The following IQCJ variants were observed in gnomAD, a reference collection of about 807,000 sequenced individuals.
IQCJ encodes IQ domain-containing protein J.
In IQCJ, 9 loss-of-function variants were observed where a neutral mutation model predicts 11.0. The ratio of observed to expected loss-of-function variants is 0.82; its 90% CI spans 0.49 to 1.43. The LOEUF (loss-of-function observed/expected upper bound fraction) is 1.43. IQCJ is among the 40% of genes most tolerant of loss of function. The pLI, the probability that IQCJ is intolerant of heterozygous loss-of-function variation, is 0.00. For missense variants in IQCJ, 146 were observed against 133.2 expected (o/e 1.10, Z -0.47); for synonymous variants, 55 against 51.3 (o/e 1.07, Z -0.31).
chr3:159,175,089 A>G (rs1252018954), intron 1 of IQCJ, among the ~76,000 whole-genome samples: 1 of 152,164 alleles, frequency 6.6e-6, no homozygotes, highest in East Asian at 1.9e-4. Flanking sequence ...TTGAGGAGCA[A>G]TTTACATACA....
intron 1 of IQCJ, among the ~76,000 whole-genome samples, chr3:159,178,831 G>T (rs1235491948): frequency 2.6e-5 from 4 of 152,082 alleles, no homozygotes; most frequent in African/African-American, 9.7e-5. Flanking sequence ...TGTCCAAGTT[G>T]CTCAACAGGA....
intron 1 of IQCJ, among the ~76,000 whole-genome samples, chr3:159,213,288 G>A (rs1244530755): frequency 2.0e-5 from 3 of 152,160 alleles, no homozygotes; most frequent in Admixed American, 2.0e-4. Context: ...TAGCAGATTA[G>A]CATTCAAGGT....
intron 1 of IQCJ, among the ~76,000 whole-genome samples, chr3:159,125,313 G>A (rs1025033593): frequency 6.6e-6 from 1 of 152,156 alleles, no homozygotes; most frequent in Admixed American, 6.5e-5. Context: ...AACCAGCAAA[G>A]TCTGAGGAAC....
intron 1 of IQCJ, among the ~76,000 whole-genome samples, chr3:159,122,018 C>G (rs2108142781): frequency 6.6e-6 from 1 of 152,314 alleles, no homozygotes; most frequent in East Asian, 1.9e-4. Flanking sequence ...TTTCTCCCAG[C>G]TTTGGAGTCT....
At chr3:159,199,390 T>C (rs2108061197) in intron 1 of IQCJ, among the ~76,000 whole-genome samples, 1 of 152,308 alleles carries the variant, frequency 6.6e-6, no homozygotes, top group African/African-American at 2.4e-5. Flanking sequence ...GCAGCCACTA[T>C]GCACTGGAAA....
intron 1 of IQCJ, among the ~76,000 whole-genome samples, chr3:159,151,238 C>T (rs945284613): frequency 3.3e-5 from 5 of 152,322 alleles, no homozygotes; most frequent in Non-Finnish European, 5.9e-5. Context: ...AGCCTGGTGG[C>T]GTGGGGAGCC....
At chr3:159,183,105 T>C (rs1723191284) in intron 1 of IQCJ, among the ~76,000 whole-genome samples, 1 of 152,068 alleles carries the variant, frequency 6.6e-6, no homozygotes, top group Non-Finnish European at 1.5e-5. Context: ...TTCATAGGAC[T>C]CCTTTGATTT....
At chr3:159,193,236 G>A (rs1236557801) in intron 1 of IQCJ, among the ~76,000 whole-genome samples, 1 of 152,182 alleles carries the variant, frequency 6.6e-6, no homozygotes, top group Non-Finnish European at 1.5e-5. Flanking sequence ...TTGTGAAGAT[G>A]AGACACAATT....
At chr3:159,164,648 AT>A (rs1215935958) in intron 1 of IQCJ, among the ~76,000 whole-genome samples, 1 of 152,048 alleles carries the variant, frequency 6.6e-6, no homozygotes, top group Non-Finnish European at 1.5e-5. Context: ...CATGCCTGTA[AT>A]CCCAGCTACT....
chr3:159,121,081 CA>C (rs1349506960), intron 1 of IQCJ, among the ~76,000 whole-genome samples: 2 of 152,188 alleles, frequency 1.3e-5, no homozygotes, highest in African/African-American at 2.4e-5. Context: ...TATCCCAAGA[CA>C]AATATACCCA....
intron 1 of IQCJ, among the ~76,000 whole-genome samples, chr3:159,167,036 A>G (rs532161910): frequency 1.3e-5 from 2 of 152,316 alleles, no homozygotes; most frequent in African/African-American, 4.8e-5. Context: ...GGACTTGCAT[A>G]TACAAGGCTG....
At chr3:159,127,858 A>T (rs1231889493) in intron 1 of IQCJ, among the ~76,000 whole-genome samples, 1 of 152,196 alleles carries the variant, frequency 6.6e-6, no homozygotes, top group Admixed American at 6.5e-5. Flanking sequence ...TACAACATGT[A>T]CCAAAGATTT....
intron 1 of IQCJ, among the ~76,000 whole-genome samples, chr3:159,093,814 G>C (rs529406160): frequency 1.1e-4 from 16 of 151,920 alleles, no homozygotes; most frequent in Middle Eastern, 3.4e-3. Flanking sequence ...GGGAGAAAAA[G>C]CCCTTTATAA....
chr3:159,181,827 A>G (rs905033103), intron 1 of IQCJ, among the ~76,000 whole-genome samples: 2 of 151,568 alleles, frequency 1.3e-5, no homozygotes, highest in Non-Finnish European at 2.9e-5. Flanking sequence ...ACTCTTTCTG[A>G]ATTCTTGCAC....
intron 1 of IQCJ, among the ~76,000 whole-genome samples, chr3:159,134,396 A>G (rs1456331864): frequency 2.0e-5 from 3 of 152,166 alleles, no homozygotes; most frequent in African/African-American, 7.2e-5. Flanking sequence ...AGTGGGGATC[A>G]CAGGGGAGCC....
intron 1 of IQCJ, among the ~76,000 whole-genome samples, chr3:159,233,548 A>G (rs902915092): frequency 1.3e-5 from 2 of 152,206 alleles, no homozygotes; most frequent in Non-Finnish European, 2.9e-5. Context: ...AGTTAAAATA[A>G]CTAATGTCAT....
intron 1 of IQCJ, among the ~76,000 whole-genome samples, chr3:159,179,703 G>A (rs1043256734): frequency 9.2e-5 from 14 of 152,182 alleles, no homozygotes; most frequent in Admixed American, 2.6e-4. Context: ...ATAAAAATAC[G>A]TACCATTTAT....
chr3:159,265,246 C>T (rs1259148732), downstream of IQCJ: 1 of 1,613,726 alleles, frequency 6.2e-7, no homozygotes, highest in Non-Finnish European at 8.5e-7. Flanking sequence ...AAGATTCATC[C>T]TTACATCTCT....
intron 1 of IQCJ, among the ~76,000 whole-genome samples, chr3:159,141,692 G>T (rs1720612876): frequency 6.6e-6 from 1 of 152,056 alleles, no homozygotes; most frequent in African/African-American, 2.4e-5. Flanking sequence ...ATCTTTACAA[G>T]TTAGATGTAT....
Sources: allele counts gnomAD v4.1 joint callset (sites outside exome capture counted in the v4.1 genomes callset), GRCh38; gene constraint gnomAD v4.1.1; transcripts MANE v1.5; gene names NCBI Gene and HGNC (gene_info 2026-07-23, HGNC 2026-07-21).